Variants in DCP1B observed in about 807,000 individuals in gnomAD.
The protein encoded by DCP1B is mRNA-decapping enzyme 1B.
A neutral mutation model predicts 60.5 loss-of-function variants in DCP1B; 47 were observed. The ratio of observed to expected loss-of-function variants is 0.78; its 90% CI spans 0.61 to 0.99. The LOEUF is 0.99. DCP1B is among the 50% of genes least tolerant of loss of function. The pLI is 0.00. For missense variants in DCP1B, 725 were observed against 756.8 expected, an observed-to-expected ratio of 0.96 and a Z score of 0.49; for synonymous variants, 267 against 280.3, an observed-to-expected ratio of 0.95 and a Z score of 0.47.
At chr12:1,956,626 G>A (rs189485541) in intron 5 of DCP1B, among the ~76,000 whole-genome samples, 67 of 152,334 alleles carry the variant, frequency 4.4e-4, no homozygotes, top group Admixed American at 2.2e-3. Flanking sequence ...TACGTGGGAT[G>A]CAAAATCACC....
At position 1,986,399 on chromosome 12, in the gene DCP1B, T is replaced by G. The variant is rs534906079; in HGVS notation, c.319+6865A>C. On this transcript the variant is annotated intron_variant, in intron 3 of 8. Coordinates refer to ENST00000280665, the MANE Select transcript of DCP1B (RefSeq NM_152640.5). ...AAAGTCAGGGTTTATCTCAGGGTTT[T>G]AGACTCTCACACTGTCAGACAGTCT... Among the ~76,000 whole-genome samples, 6 of 152,292 alleles carry G rather than the reference T, an allele frequency of 3.9e-5. No individual in the cohort carries two copies. The South Asian group carries it at 1.2e-3, about 32-fold the overall frequency.
intron 7 of DCP1B, among the ~76,000 whole-genome samples, 157 bp downstream of exon 7, chr12:1,952,259 C>T (rs558797567): frequency 3.2e-4 from 48 of 152,176 alleles, no homozygotes; most frequent in African/African-American, 1.1e-3. Flanking sequence ...CTGTAACCTC[C>T]GCCTCTTGAG....
At chr12:1,951,050 T>C (rs1156620913) in intron 7 of DCP1B, among the ~76,000 whole-genome samples, 1 of 152,016 alleles carries the variant, frequency 6.6e-6, no homozygotes, top group Non-Finnish European at 1.5e-5. Context: ...GGTGGGTGGA[T>C]CACCTGAGGT....
intron 5 of DCP1B, chr12:1,961,190 G>A (rs144329977): frequency 3.8e-4 from 58 of 152,372 alleles, no homozygotes; most frequent in African/African-American, 1.3e-3. Context: ...AGCACTCTCA[G>A]GAAGCAAAAT....
chr12:1,973,242 T>C (rs552749268), intron 3 of DCP1B, among the ~76,000 whole-genome samples: 6 of 152,196 alleles, frequency 3.9e-5, no homozygotes, highest in African/African-American at 1.4e-4. Flanking sequence ...ACCTCACAAA[T>C]CAGCGATCCC....
Position 1,948,481 on chromosome 12 carries a change from C to T in DCP1B, c.1773+605G>A, listed in dbSNP as rs1271466160. Among the ~76,000 whole-genome samples the T allele has an allele frequency of 1.3e-5, 2 of 152,190 alleles. No homozygotes were observed. Among genetic ancestry groups the T allele is most frequent in the Non-Finnish European group, 2.9e-5 (2 of 68,038 alleles). On this transcript the variant is annotated intron_variant, in intron 8 of 8. Transcript: ENST00000280665. The surrounding 1 kb of genome is among the most constrained non-coding windows in gnomAD (Gnocchi z 4.8). The stretch of plus-strand genomic sequence containing the variant: ...GTGTAGCACTGAAAATAGGGCCCGG[C>T]GCCAGCTCTGTGGAGTGTTAGCTAT...
rs2038449325 is a variant in DCP1B at position 1,988,522 on chromosome 12, A to T, written c.319+4742T>A. On this transcript the variant is annotated intron_variant, in intron 3 of 8. Transcript: ENST00000280665. ...ATAAATAACCCTCTGTGAGGAGGCAACGCTCATGTTTGTGAACAATAAAGC... is the reference window on the plus strand; with the variant it reads ...ATAAATAACCCTCTGTGAGGAGGCATCGCTCATGTTTGTGAACAATAAAGC... Among the ~76,000 whole-genome samples, 3 of 152,226 alleles carry T rather than the reference A, an allele frequency of 2.0e-5. No homozygotes were observed. The South Asian group carries it at 6.2e-4, about 32-fold the overall frequency.
Position 2,004,351 on chromosome 12 carries a change from A to G in DCP1B, c.81T>C (p.Tyr27=). Residue 27 remains tyrosine, a synonymous_variant, in exon 1 of 9, where the codon TAT becomes TAC. Transcript: ENST00000280665. ...TGGCCACGTCCACGATGCGGTTGAT[A>G]TAGGGGTCGTGGCGCTGCAGGGCCG... ...SLAALQRHDP[Y]INRIVDVASQ... is the part of the protein sequence containing the mutation. 1 of 1,613,334 alleles carries G rather than the reference A, an allele frequency of 6.2e-7. No individual in the cohort carries two copies. The highest frequency in any genetic ancestry group is 8.5e-7 in the Non-Finnish European group (1 of 1,179,938).
downstream of DCP1B, among the ~76,000 whole-genome samples, chr12:1,945,032 C>G (rs1335610849): frequency 6.6e-6 from 1 of 152,096 alleles, no homozygotes; most frequent in Non-Finnish European, 1.5e-5. Flanking sequence ...GCAATCTGCC[C>G]ATCTGACAAA....
chr12:1,949,118 G>GGAGCTT lies in DCP1B; in HGVS notation c.1735_1740dup (p.Lys579_Leu580dup), dbSNP rs1320587124. 3.7e-6 allele frequency: 6 copies of GGAGCTT among 1,614,004 alleles called. No homozygotes were observed. In the African/African-American group the frequency reaches 6.7e-5, roughly 18 times the overall value. Reference sequence around the variant, plus strand: ...AGGTACAGCAGTGCCTCCTGGAGCTGGAGCTTGGTGAGTGGGCTGCTGGTG... The same window carrying GGAGCTT: ...AGGTACAGCAGTGCCTCCTGGAGCTGGAGCTTGAGCTTGGTGAGTGGGCTGCTGGTG... On this transcript the variant is annotated inframe_insertion, in exon 8 of 9. Coordinates refer to ENST00000280665, the MANE Select transcript of DCP1B (RefSeq NM_152640.5).
chr12:1,965,126 T>A (rs1359608653), intron 5 of DCP1B, among the ~76,000 whole-genome samples: 1 of 152,216 alleles, frequency 6.6e-6, no homozygotes, highest in African/African-American at 2.4e-5. Context: ...AGGGTGTATA[T>A]TTCCATTTGT....
At chr12:1,993,080 T>C in intron 3 of DCP1B, 184 bp downstream of exon 3, 1 of 826,048 alleles carries the variant, frequency 1.2e-6, no homozygotes, top group South Asian at 1.4e-5. Flanking sequence ...ACTTAAACTC[T>C]TCCAAGGAAG....
At chr12:1,965,907 G>T (rs764914563) in intron 4 of DCP1B, among the ~76,000 whole-genome samples, 14 of 152,104 alleles carry the variant, frequency 9.2e-5, no homozygotes, top group Non-Finnish European at 2.1e-4. Flanking sequence ...CAAATCTGTG[G>T]GCCAAGTCCA....
intron 3 of DCP1B, chr12:1,992,889 C>T: frequency 2.0e-6 from 1 of 488,818 alleles, no homozygotes; most frequent in Non-Finnish European, 3.6e-6. Flanking sequence ...GAAAAAGTGC[C>T]ATAGCAGACT....
chr12:1,960,663 T>G (rs774077291), intron 5 of DCP1B, among the ~76,000 whole-genome samples: 3 of 152,330 alleles, frequency 2.0e-5, no homozygotes, highest in Admixed American at 1.3e-4. Context: ...TATATACAAT[T>G]TTAATTTTTC....
intron 3 of DCP1B, among the ~76,000 whole-genome samples, chr12:1,972,300 T>A (rs1157762430): frequency 6.6e-6 from 1 of 152,234 alleles, no homozygotes; most frequent in Admixed American, 6.5e-5. Context: ...GAATATCTAA[T>A]CATATATTTG....
intron 3 of DCP1B, among the ~76,000 whole-genome samples, chr12:1,986,082 G>C (rs1178885126): frequency 6.6e-6 from 1 of 152,186 alleles, no homozygotes; most frequent in Admixed American, 6.5e-5. Flanking sequence ...CAAAGTGCTG[G>C]GATTACAGGC....
At position 1,986,055 on chromosome 12, in the gene DCP1B, T is replaced by C. The variant is rs369985998; in HGVS notation, c.319+7209A>G. 2.5e-3 allele frequency among the ~76,000 whole-genome samples: 384 copies of C among 152,330 alleles called. 1 individual carries two copies. The highest frequency in any genetic ancestry group is 8.5e-3 in the African/African-American group (352 of 41,572). On this transcript the variant is annotated intron_variant, in intron 3 of 8. Transcript: ENST00000280665. ...GTCTCGATCTCCTGACCTCGTGATC[T>C]GCCCGCCTTGGCCTCCCAAAGTGCT...
intron 3 of DCP1B, among the ~76,000 whole-genome samples, chr12:1,983,008 T>A (rs965652754): frequency 1.3e-5 from 2 of 152,138 alleles, no homozygotes; most frequent in African/African-American, 2.4e-5. Context: ...ATGATTTGTA[T>A]TTCTCAGTGA....
Sources: gnomAD v4.1 joint callset for allele counts (sites outside exome capture counted in the v4.1 genomes callset) on GRCh38, gnomAD v4.1.1 for gene constraint, Gnocchi (gnomAD v3.1) non-coding constraint, MANE v1.5 for transcripts, NCBI Gene and HGNC (gene_info 2026-07-23, HGNC 2026-07-21) for gene names.